Variants in SENP5 observed in about 807,000 individuals in gnomAD.
The protein encoded by SENP5 is SUMO specific peptidase 5, also known as sentrin-specific protease 5.
A neutral mutation model predicts 74.2 loss-of-function variants in SENP5; 21 were observed. The ratio of observed to expected loss-of-function variants is 0.28; its 90% CI spans 0.20 to 0.41. The LOEUF is 0.41. SENP5 is among the 10% of genes least tolerant of loss of function. SENP5 has a pLI of 1.00. For synonymous variants in SENP5, 311 were observed against 312.7 expected (o/e 0.99, Z 0.06); for missense variants, 717 against 889.1 (o/e 0.81, Z 2.46).
At chr3:196,928,558 A>C (rs1373735823) in intron 8 of SENP5, among the ~76,000 whole-genome samples, 1 of 152,130 alleles carries the variant, frequency 6.6e-6, no homozygotes, top group African/African-American at 2.4e-5. Flanking sequence ...CCCAGGTGTG[A>C]TTTTCCCCAA....
At chr3:196,914,973 T>G (rs1715312746) in intron 6 of SENP5, among the ~76,000 whole-genome samples, 1 of 152,098 alleles carries the variant, frequency 6.6e-6, no homozygotes, top group African/African-American at 2.4e-5. Context: ...GAAACTCCAG[T>G]GCTGTCATAT....
At chr3:196,869,961 A>T (rs1352915581) in intron 1 of SENP5, among the ~76,000 whole-genome samples, 1 of 151,822 alleles carries the variant, frequency 6.6e-6, no homozygotes, top group Non-Finnish European at 1.5e-5. Flanking sequence ...CTCTATACAC[A>T]GGCCTGCCTT....
intron 2 of SENP5, among the ~76,000 whole-genome samples, chr3:196,889,178 A>G (rs760762704): frequency 3.1e-4 from 47 of 151,846 alleles, no homozygotes; most frequent in Admixed American, 6.6e-5. Flanking sequence ...CACAAAGTAC[A>G]GAGTCCTAGC....
Position 196,930,877 on chromosome 3 carries a change from G to A in SENP5, c.2222G>A (p.Arg741Gln). 1.2e-6 allele frequency: 2 copies of A among 1,614,028 alleles called. No individual in the cohort carries two copies. The highest frequency in any genetic ancestry group is 1.7e-6 in the Non-Finnish European group (2 of 1,179,938). ...TCACAAGAAGACATGCCCCGAGTGC[G>A]GAAGAGGATTTACAAGGAGCTATGT... is the stretch of plus-strand genomic sequence containing the variant. ...QFSQEDMPRVRKRIYKELCEC... is the reference protein window; with the variant it reads ...QFSQEDMPRVQKRIYKELCEC... Residue 741 changes from arginine to glutamine, a missense_variant, in exon 10 of 10, where the codon CGG becomes CAG. Physicochemically the swap from Arg to Gln is conservative, Grantham distance 43. Coordinates refer to ENST00000323460, the MANE Select transcript of SENP5 (RefSeq NM_152699.5).
chr3:196,917,160 A>C (rs148249711), intron 6 of SENP5, among the ~76,000 whole-genome samples: 2 of 151,982 alleles, frequency 1.3e-5, no homozygotes, highest in African/African-American at 4.8e-5. Context: ...ACAAAACACA[A>C]AAAACAAATT....
At chr3:196,886,857 A>G (rs1367193788) in intron 2 of SENP5, among the ~76,000 whole-genome samples, 163 bp downstream of exon 2, 1 of 152,180 alleles carries the variant, frequency 6.6e-6, no homozygotes, top group Non-Finnish European at 1.5e-5. Context: ...TAGATGTTCC[A>G]TCATTTAATC....
At chr3:196,921,104 T>G (rs748219790) in intron 6 of SENP5, among the ~76,000 whole-genome samples, 1 of 152,212 alleles carries the variant, frequency 6.6e-6, no homozygotes, top group Non-Finnish European at 1.5e-5. Flanking sequence ...TTTTGAACTT[T>G]GGACTCTTTC....
At chr3:196,879,930 C>G (rs547664756) in intron 1 of SENP5, among the ~76,000 whole-genome samples, 3 of 152,180 alleles carry the variant, frequency 2.0e-5, no homozygotes, top group African/African-American at 7.2e-5. Context: ...TAGCTTTGCT[C>G]CGAAGTTTTG....
intron 1 of SENP5, among the ~76,000 whole-genome samples, chr3:196,884,947 T>C (rs1713888917): frequency 6.6e-6 from 1 of 152,208 alleles, no homozygotes; most frequent in South Asian, 2.1e-4. Context: ...CAAATGGCTT[T>C]TTGTTAGACT....
At position 196,932,606 on chromosome 3, in the gene SENP5, T is replaced by A. The variant is rs183034951; in HGVS notation, c.*1683T>A. 1 of 152,132 alleles carries A rather than the reference T, an allele frequency of 6.6e-6. No individual in the cohort carries two copies. The highest frequency in any genetic ancestry group is 1.9e-4 in the East Asian group (1 of 5,178). 9.4% of individuals were successfully genotyped at this position (152,132 alleles called of 1,614,324 possible). A position where few individuals can be genotyped will look rare whatever the true frequency, so the allele number is the denominator to read the frequency against. The stretch of plus-strand genomic sequence containing the variant: ...TAGAGGCACTTTATGCTGCTATAGG[T>A]GGGGTTCTGTCAGCGTTAGGAAAAA... On this transcript the variant is annotated 3_prime_UTR_variant, in exon 10 of 10. Transcript: ENST00000323460.
chr3:196,887,943 A>G (rs772435392), intron 2 of SENP5, among the ~76,000 whole-genome samples: 7 of 151,574 alleles, frequency 4.6e-5, no homozygotes, highest in Non-Finnish European at 8.8e-5. Context: ...AATTTTTTGT[A>G]TTTTAGTAGA....
At position 196,886,444 on chromosome 3, in the gene SENP5, T is replaced by G. The variant is rs1389105928; in HGVS notation, c.1263T>G (p.Ser421=). Residue 421 remains serine (S), a synonymous_variant, in exon 2 of 10, where the codon TCT becomes TCG. Transcript: ENST00000323460. Reference sequence around the variant, plus strand: ...TGTCAGTGTCTGGAGCAGATACATCTGTGAGTAGCGTAGATGGGCCTGTGT... The same window carrying G: ...TGTCAGTGTCTGGAGCAGATACATCGGTGAGTAGCGTAGATGGGCCTGTGT... ...VKLSVSGADT[S]VSSVDGPVSQ... The G allele has an allele frequency of 1.9e-6, 3 of 1,610,296 alleles. No homozygotes were observed. The highest frequency in any genetic ancestry group is 1.7e-5 in the Admixed American group (1 of 59,690).
chr3:196,914,121 T>C (rs893837164), intron 6 of SENP5: 1 of 152,206 alleles, frequency 6.6e-6, no homozygotes, highest in Non-Finnish European at 1.5e-5. Flanking sequence ...TAGACTAATA[T>C]ATTCAGGGGT....
rs146360666 is a variant in SENP5, at chr3:196,931,284, A to G, written c.*361A>G. 7.0e-5 allele frequency: 12 copies of G among 170,364 alleles called. No individual in the cohort carries two copies. The highest frequency in any genetic ancestry group is 2.4e-4 in the African/African-American group (10 of 41,822). The allele number at this position is 170,364 out of a possible 1,614,324, so 10.6% of individuals were successfully genotyped here. On this transcript the variant is annotated 3_prime_UTR_variant, in exon 10 of 10. Transcript: ENST00000323460. ...AGACGTGAACTGAATACAGGTTTCA[A>G]ATTTACTCCCAGAACCTAAAAATGC... is the stretch of plus-strand genomic sequence containing the variant.
At chr3:196,892,456 T>C (rs1714252364) in intron 2 of SENP5, among the ~76,000 whole-genome samples, 1 of 152,238 alleles carries the variant, frequency 6.6e-6, no homozygotes, top group Non-Finnish European at 1.5e-5. Flanking sequence ...CTAAAGATTA[T>C]TTTTAATTGA....
chr3:196,917,930 T>C (rs543065677), intron 6 of SENP5, among the ~76,000 whole-genome samples: 1 of 152,244 alleles, frequency 6.6e-6, no homozygotes, highest in Non-Finnish European at 1.5e-5. Context: ...CTAATTGCCG[T>C]GTGTAAGCCA....
intron 9 of SENP5, 96 bp from the exon 10 acceptor site, chr3:196,930,717 C>T: frequency 1.2e-6 from 1 of 822,704 alleles, no homozygotes; most frequent in South Asian, 1.4e-5. Flanking sequence ...GGTCTTCTGC[C>T]TTAGACACTA....
chr3:196,930,540 G>A (rs1037819395), intron 9 of SENP5, among the ~76,000 whole-genome samples: 2 of 152,194 alleles, frequency 1.3e-5, no homozygotes, highest in Admixed American at 6.5e-5. Context: ...GTTCTCTTAG[G>A]AGTGTGAACC....
chr3:196,916,995 G>A (rs780502592), intron 6 of SENP5, among the ~76,000 whole-genome samples: 1 of 151,934 alleles, frequency 6.6e-6, no homozygotes, highest in South Asian at 2.1e-4. Context: ...TTAGCCGGGC[G>A]TGGTGACACA....
Sources: gnomAD v4.1 joint callset for allele counts (sites outside exome capture counted in the v4.1 genomes callset) on GRCh38, gnomAD v4.1.1 for gene constraint, MANE v1.5 for transcripts, NCBI Gene and HGNC (gene_info 2026-07-23, HGNC 2026-07-21) for gene names.